Variants in MARCHF1 observed in about 807,000 individuals in gnomAD.
MARCHF1 encodes the protein E3 ubiquitin-protein ligase MARCHF1.
In MARCHF1, 40 loss-of-function variants were observed where a neutral mutation model predicts 54.2. The observed-to-expected ratio is 0.74, with a 90% CI of 0.57 to 0.96. The LOEUF (loss-of-function observed/expected upper bound fraction) is 0.96. MARCHF1 is among the 40% of genes least tolerant of loss of function. MARCHF1 has a pLI of 0.00. For missense variants in MARCHF1, 586 were observed against 656.5 expected (o/e 0.89, Z 1.17); for synonymous variants, 236 against 236.3 (o/e 1.00, Z 0.01).
At chr4:164,210,435 G>T (rs1731732202) in intron 1 of MARCHF1, among the ~76,000 whole-genome samples, 1 of 152,104 alleles carries the variant, frequency 6.6e-6, no homozygotes, top group Non-Finnish European at 1.5e-5. Flanking sequence ...AATATAAATA[G>T]ATATGGAAGA....
chr4:164,074,701 G>A (rs956460077), intron 2 of MARCHF1, among the ~76,000 whole-genome samples: 5 of 152,084 alleles, frequency 3.3e-5, no homozygotes, highest in South Asian at 4.1e-4. Context: ...GTTTTGAAAA[G>A]AAATGAAAAC....
chr4:164,029,528 G>T (rs1171082170), intron 2 of MARCHF1, among the ~76,000 whole-genome samples: 1 of 151,972 alleles, frequency 6.6e-6, no homozygotes, highest in East Asian at 1.9e-4. Flanking sequence ...TCAAGATTTA[G>T]TAAAATGCTT....
At chr4:164,131,591 AT>A (rs1400955523) in intron 1 of MARCHF1, among the ~76,000 whole-genome samples, 3 of 152,126 alleles carry the variant, frequency 2.0e-5, no homozygotes, top group African/African-American at 7.2e-5. Context: ...ATTTTGTATG[AT>A]TATAGGCAAA....
intron 7 of MARCHF1, among the ~76,000 whole-genome samples, chr4:163,611,258 G>T (rs1741329678): frequency 6.6e-6 from 1 of 151,998 alleles, no homozygotes; most frequent in Admixed American, 6.6e-5. Flanking sequence ...TTTTATGAAT[G>T]ACTATCCTAT....
chr4:163,830,664 A>T (rs1236041263), intron 4 of MARCHF1, among the ~76,000 whole-genome samples: 1 of 152,172 alleles, frequency 6.6e-6, no homozygotes, highest in Non-Finnish European at 1.5e-5. Context: ...CTGTAATCCC[A>T]GCACTTTGAG....
intron 4 of MARCHF1, among the ~76,000 whole-genome samples, chr4:163,793,135 A>C (rs962604200): frequency 1.3e-5 from 2 of 152,222 alleles, no homozygotes; most frequent in South Asian, 4.1e-4. Context: ...AAATGGAATA[A>C]AAAATGTTAT....
chr4:164,110,766 T>G (rs1755818321), intron 2 of MARCHF1, among the ~76,000 whole-genome samples: 1 of 151,638 alleles, frequency 6.6e-6, no homozygotes, highest in African/African-American at 2.4e-5. Context: ...TTACATTCTC[T>G]TAACCTACTG....
intron 4 of MARCHF1, among the ~76,000 whole-genome samples, chr4:163,853,524 T>C (rs1478942214): frequency 1.3e-5 from 2 of 152,232 alleles, no homozygotes; most frequent in South Asian, 2.1e-4. Flanking sequence ...CATTCTTGAA[T>C]TGGTCTTCAA....
chr4:163,673,456 A>G (rs1743803204), intron 5 of MARCHF1, among the ~76,000 whole-genome samples: 1 of 152,124 alleles, frequency 6.6e-6, no homozygotes, highest in Admixed American at 6.5e-5. Context: ...TCATTTAGCC[A>G]TGTTCCAATA....
At chr4:163,896,908 C>T (rs554344112) in intron 3 of MARCHF1, among the ~76,000 whole-genome samples, 3 of 152,280 alleles carry the variant, frequency 2.0e-5, no homozygotes, top group African/African-American at 7.2e-5. Context: ...TGCATGTCCC[C>T]AAACCACAGT....
intron 1 of MARCHF1, among the ~76,000 whole-genome samples, chr4:164,148,732 A>G (rs550723879): frequency 7.2e-5 from 11 of 152,164 alleles, no homozygotes; most frequent in Non-Finnish European, 1.6e-4. Flanking sequence ...CTGTGCCATT[A>G]TAAATATTAC....
At chr4:163,878,286 T>G (rs1273108785) in intron 3 of MARCHF1, among the ~76,000 whole-genome samples, 2 of 152,220 alleles carry the variant, frequency 1.3e-5, no homozygotes, top group African/African-American at 4.8e-5. Flanking sequence ...AACATGGCTT[T>G]GCTATGATAA....
intron 1 of MARCHF1, among the ~76,000 whole-genome samples, chr4:164,198,800 T>A (rs1731357329): frequency 1.3e-5 from 2 of 152,262 alleles, no homozygotes; most frequent in South Asian, 4.1e-4. Flanking sequence ...TCATACTATG[T>A]CCCATAAGCA....
At chr4:164,227,080 T>C (rs1310985306) in intron 1 of MARCHF1, among the ~76,000 whole-genome samples, 2 of 151,950 alleles carry the variant, frequency 1.3e-5, no homozygotes, top group Non-Finnish European at 2.9e-5. Flanking sequence ...GCCAAGAAGG[T>C]TGAATTAGTC....
chr4:164,182,212 T>A (rs542589338), intron 1 of MARCHF1, among the ~76,000 whole-genome samples: 1 of 152,064 alleles, frequency 6.6e-6, no homozygotes, highest in Admixed American at 6.5e-5. Flanking sequence ...CTAGACCACA[T>A]AGTGTAATCG....
rs572544410 is a variant in MARCHF1, at chr4:163,802,386, T to C, written c.111+51635A>G. 2.6e-5 allele frequency among the ~76,000 whole-genome samples: 4 copies of C among 152,244 alleles called. No homozygotes were observed. The South Asian group carries it at 8.3e-4, about 32-fold the overall frequency. On this transcript the variant is annotated intron_variant, in intron 4 of 9. Transcript: ENST00000514618. ...CAGAAATATTAAAGTGATATGGTAA[T>C]AAAAGTCAAACACATTTCAAAAGCC...
intron 1 of MARCHF1, among the ~76,000 whole-genome samples, chr4:164,302,947 G>A (rs1187257993): frequency 2.0e-5 from 3 of 151,726 alleles, no homozygotes; most frequent in East Asian, 1.9e-4. Flanking sequence ...CTATCTGCAG[G>A]ATGAGGGAGT....
chr4:164,027,199 T>G (rs1233889433), intron 2 of MARCHF1, among the ~76,000 whole-genome samples: 1 of 151,562 alleles, frequency 6.6e-6, no homozygotes, highest in Non-Finnish European at 1.5e-5. Context: ...CCAATCAAAC[T>G]ACCAGCATAA....
Position 163,894,578 on chromosome 4 carries a change from TG to T in MARCHF1, c.-38-40410del, listed in dbSNP as rs1560807581. On this transcript the variant is annotated intron_variant, in intron 3 of 9. Coordinates refer to ENST00000514618, the MANE Select transcript of MARCHF1 (RefSeq NM_001394959.1). ...GCACATGCATATATATATATGCATG[TG>T]ATGCATATATATATATGCATGTGAT... 5.7e-4 allele frequency among the ~76,000 whole-genome samples: 39 copies of T among 67,940 alleles called. No individual in the cohort carries two copies. The South Asian group carries it at 6.3e-3, about 11-fold the overall frequency. 44.6% of individuals were successfully genotyped at this position (67,940 alleles called of 152,430 possible).
Sources: allele counts gnomAD v4.1 joint callset (sites outside exome capture counted in the v4.1 genomes callset), GRCh38; gene constraint gnomAD v4.1.1; transcripts MANE v1.5; gene names NCBI Gene and HGNC (gene_info 2026-07-23, HGNC 2026-07-21).